The following LHFPL6 variants were observed in gnomAD, a reference collection of about 807,000 sequenced individuals.
LHFPL6 encodes LHFPL tetraspan subfamily member 6 protein.
A neutral mutation model predicts 20.6 loss-of-function variants in LHFPL6; 9 were observed. That is an observed-to-expected ratio of 0.44 (90% CI 0.26 to 0.76). LHFPL6 has a LOEUF of 0.76. Among genes scored for constraint, LHFPL6 ranks in the 30% least tolerant of loss-of-function variants. The probability of loss-of-function intolerance (pLI) is 0.20; values close to 1 mark genes in which losing one functional copy is unlikely to be tolerated. For synonymous variants in LHFPL6, 105 were observed against 98.7 expected (o/e 1.06, Z -0.38); for missense variants, 218 against 253.5 (o/e 0.86, Z 0.95).
At chr13:39,480,957 T>C (rs1868489935) in intron 2 of LHFPL6, among the ~76,000 whole-genome samples, 1 of 152,192 alleles carries the variant, frequency 6.6e-6, no homozygotes, top group Admixed American at 6.5e-5. Context: ...AAACACAAGT[T>C]ACTAAAATTA....
chr13:39,479,269 C>A lies in LHFPL6; in HGVS notation c.386-100743G>T, dbSNP rs745673130. ...AGTAACAGCAAGATGGCACAAATGC[C>A]TTTTTGGAGTAAGTGACAGGAAATA... On this transcript the variant is annotated intron_variant, in intron 2 of 3. Coordinates refer to ENST00000379589, the MANE Select transcript of LHFPL6 (RefSeq NM_005780.3). 2.2e-4 allele frequency among the ~76,000 whole-genome samples: 34 copies of A among 152,194 alleles called. 1 individual carries two copies. The highest frequency in any genetic ancestry group is 4.3e-4 in the Non-Finnish European group (29 of 68,002).
At chr13:39,587,039 C>T (rs1289850767) in intron 2 of LHFPL6, among the ~76,000 whole-genome samples, 1 of 152,120 alleles carries the variant, frequency 6.6e-6, no homozygotes, top group Non-Finnish European at 1.5e-5. Flanking sequence ...CGCCTGTAAT[C>T]CCAGCTACTC....
intron 2 of LHFPL6, among the ~76,000 whole-genome samples, chr13:39,583,790 T>C (rs1229135687): frequency 6.6e-6 from 1 of 152,172 alleles, no homozygotes; most frequent in Non-Finnish European, 1.5e-5. Context: ...CTCATCAATA[T>C]CCTGAACAAA....
intron 2 of LHFPL6, among the ~76,000 whole-genome samples, chr13:39,579,090 T>C (rs1872203458): frequency 6.6e-6 from 1 of 152,170 alleles, no homozygotes; most frequent in Non-Finnish European, 1.5e-5. Flanking sequence ...ATATGTCCAG[T>C]AGTGCCTGGG....
At chr13:39,417,916 T>C (rs1321903692) in intron 2 of LHFPL6, among the ~76,000 whole-genome samples, 1 of 152,168 alleles carries the variant, frequency 6.6e-6, no homozygotes, top group Non-Finnish European at 1.5e-5. Context: ...TTTGAAGTCA[T>C]TGAGTCAGTA....
intron 2 of LHFPL6, among the ~76,000 whole-genome samples, chr13:39,595,339 C>T (rs1215895489): frequency 6.6e-6 from 1 of 152,084 alleles, no homozygotes; most frequent in Non-Finnish European, 1.5e-5. Context: ...GCTCTGTCAC[C>T]CAGGCTGCAG....
chr13:39,422,885 G>T (rs575379721), intron 2 of LHFPL6, among the ~76,000 whole-genome samples: 36 of 152,116 alleles, frequency 2.4e-4, no homozygotes, highest in Non-Finnish European at 4.1e-4. Flanking sequence ...TACAATCATG[G>T]CGGAAGGGGA....
chr13:39,455,269 A>T (rs1249722372), intron 2 of LHFPL6, among the ~76,000 whole-genome samples: 1 of 152,208 alleles, frequency 6.6e-6, no homozygotes, highest in Non-Finnish European at 1.5e-5. Flanking sequence ...TAAAGCAGCT[A>T]CAGCCGGGCC....
rs374436586 is a variant in LHFPL6 at position 39,440,747 on chromosome 13, C to A, written c.386-62221G>T. ...GGATATGGTTTGGCTGTGTCCCCCACCCTAATCTCATCTTGAATTGTAACT... is the reference window on the plus strand; with the variant it reads ...GGATATGGTTTGGCTGTGTCCCCCAACCTAATCTCATCTTGAATTGTAACT... On this transcript the variant is annotated intron_variant, in intron 2 of 3. Coordinates refer to ENST00000379589, the MANE Select transcript of LHFPL6 (RefSeq NM_005780.3). 5.8e-3 allele frequency among the ~76,000 whole-genome samples: 876 copies of A among 152,182 alleles called. 6 individuals carry two copies. Among genetic ancestry groups the A allele is most frequent in the Non-Finnish European group, 0.01 (696 of 67,998 alleles).
At chr13:39,411,340 GT>G (rs2138387465) in intron 2 of LHFPL6, among the ~76,000 whole-genome samples, 1 of 152,312 alleles carries the variant, frequency 6.6e-6, no homozygotes, top group South Asian at 2.1e-4. Context: ...CTCAATATAT[GT>G]GGATTTGGAT....
intron 2 of LHFPL6, among the ~76,000 whole-genome samples, chr13:39,578,288 A>T (rs1872179197): frequency 6.6e-6 from 1 of 152,214 alleles, no homozygotes; most frequent in South Asian, 2.1e-4. Flanking sequence ...AAATCAGCAT[A>T]AAGCAACAGC....
At chr13:39,445,868 G>A (rs951504400) in intron 2 of LHFPL6, among the ~76,000 whole-genome samples, 9 of 152,112 alleles carry the variant, frequency 5.9e-5, no homozygotes, top group African/African-American at 2.2e-4. Context: ...TACCACAGAA[G>A]AGCTTTAAAT....
intron 2 of LHFPL6, among the ~76,000 whole-genome samples, chr13:39,557,782 C>A (rs766567507): frequency 3.3e-5 from 5 of 152,230 alleles, no homozygotes; most frequent in Non-Finnish European, 7.3e-5. Context: ...AGTAATCTCT[C>A]TGACAGGTGT....
chr13:39,427,420 T>G (rs1173541497), intron 2 of LHFPL6, among the ~76,000 whole-genome samples: 1 of 152,244 alleles, frequency 6.6e-6, no homozygotes, highest in Admixed American at 6.5e-5. Context: ...TTTTCATATG[T>G]GTCCTTTATT....
chr13:39,460,104 A>G (rs574965629), intron 2 of LHFPL6, among the ~76,000 whole-genome samples: 2 of 152,162 alleles, frequency 1.3e-5, no homozygotes, highest in Non-Finnish European at 2.9e-5. Flanking sequence ...TTCTCTTCTC[A>G]TGCTATGACT....
chr13:39,508,518 T>C (rs564979382), intron 2 of LHFPL6, among the ~76,000 whole-genome samples: 37 of 152,216 alleles, frequency 2.4e-4, no homozygotes, highest in Non-Finnish European at 4.9e-4. Flanking sequence ...AAACCATCCA[T>C]CTGCTTTCTT....
chr13:39,602,439 G>C (rs1000377655), intron 1 of LHFPL6, among the ~76,000 whole-genome samples: 1 of 151,800 alleles, frequency 6.6e-6, no homozygotes, highest in Non-Finnish European at 1.5e-5. Context: ...TTCTAATCTT[G>C]TCAACTGCAG....
At chr13:39,364,758 AC>A (rs893957240) in intron 3 of LHFPL6, among the ~76,000 whole-genome samples, 2 of 151,486 alleles carry the variant, frequency 1.3e-5, no homozygotes, top group Non-Finnish European at 2.9e-5. Flanking sequence ...GCACCCTTCA[AC>A]CCCCCACCCA....
intron 3 of LHFPL6, among the ~76,000 whole-genome samples, chr13:39,360,492 A>G (rs148521296): frequency 0.033 from 3,264 of 98,132 alleles, 1,281 homozygotes; most frequent in Non-Finnish European, 0.056. Flanking sequence ...TTTATGCTCT[A>G]GAAAAGATAA....
Sources: gnomAD v4.1 joint callset for allele counts (sites outside exome capture counted in the v4.1 genomes callset) on GRCh38, gnomAD v4.1.1 for gene constraint, MANE v1.5 for transcripts, NCBI Gene and HGNC (gene_info 2026-07-23, HGNC 2026-07-21) for gene names.